CTNND2: variants seen among roughly 807,000 people sequenced by gnomAD.
The protein encoded by CTNND2 is catenin delta-2.
A neutral mutation model predicts 144.4 loss-of-function variants in CTNND2; 22 were observed. The ratio of observed to expected loss-of-function variants is 0.15; its 90% CI spans 0.11 to 0.22. The LOEUF (loss-of-function observed/expected upper bound fraction) is 0.22, where lower values mean the gene tolerates loss of function less well. Ranked by LOEUF, CTNND2 falls within the 10% of genes least tolerant of loss-of-function variation. The pLI, the probability that CTNND2 is intolerant of heterozygous loss-of-function variation, is 1.00. For synonymous variants in CTNND2, 751 were observed against 695.6 expected (o/e 1.08, Z -1.25); for missense variants, 1,353 against 1,618.8 (o/e 0.84, Z 2.82).
At chr5:11,730,976 TC>T in intron 2 of CTNND2, among the ~76,000 whole-genome samples, 1 of 152,248 alleles carries the variant, frequency 6.6e-6, no homozygotes, top group East Asian at 1.9e-4. Flanking sequence ...CCCTTGGTGG[TC>T]CCTTTTTCCA....
Position 11,142,715 on chromosome 5 carries a change from G to A in CTNND2, c.2159+16861C>T, listed in dbSNP as rs1316116350. ...TGCAAGCTCCGCCTCCCGGGTTCAC[G>A]CCATTCTCCTGCCTCAGCCTCCCGT... On this transcript the variant is annotated intron_variant, in intron 12 of 21. Coordinates refer to ENST00000304623, the MANE Select transcript of CTNND2 (RefSeq NM_001332.4). Among the ~76,000 whole-genome samples, 7 of 149,868 alleles carry A rather than the reference G, an allele frequency of 4.7e-5. No individual in the cohort carries two copies. In the East Asian group the frequency reaches 7.9e-4, roughly 17 times the overall value.
intron 2 of CTNND2, among the ~76,000 whole-genome samples, chr5:11,577,042 A>G (rs187267021): frequency 5.7e-4 from 87 of 152,336 alleles, no homozygotes; most frequent in Non-Finnish European, 1.2e-3. Context: ...TCTCACTGAC[A>G]ATGACCACAG....
intron 1 of CTNND2, among the ~76,000 whole-genome samples, chr5:11,808,559 G>C (rs1792136902): frequency 6.6e-6 from 1 of 152,210 alleles, no homozygotes; most frequent in African/African-American, 2.4e-5. Flanking sequence ...GCTGCCAGAA[G>C]TTGATTTCTG....
chr5:11,798,193 C>T (rs1438341728), intron 1 of CTNND2, among the ~76,000 whole-genome samples: 3 of 142,444 alleles, frequency 2.1e-5, no homozygotes, highest in African/African-American at 5.3e-5. Flanking sequence ...ACCCGGGAGG[C>T]GGAGGTTGCA....
At chr5:11,640,293 T>A (rs1781933765) in intron 2 of CTNND2, among the ~76,000 whole-genome samples, 1 of 152,086 alleles carries the variant, frequency 6.6e-6, no homozygotes, top group South Asian at 2.1e-4. Flanking sequence ...TTACATGGAG[T>A]TGCAGACTGT....
chr5:11,662,358 T>C (rs1561669751), intron 2 of CTNND2, among the ~76,000 whole-genome samples: 1 of 150,960 alleles, frequency 6.6e-6, no homozygotes, highest in Non-Finnish European at 1.5e-5. Context: ...GATCCCACAA[T>C]AGGCCGTCTG....
At chr5:11,428,235 C>G (rs1762970880) in intron 3 of CTNND2, among the ~76,000 whole-genome samples, 2 of 152,204 alleles carry the variant, frequency 1.3e-5, no homozygotes, top group African/African-American at 4.8e-5. Context: ...ATCCCCGGTT[C>G]AAAAGCCTTC....
chr5:11,667,705 T>G (rs1036015931), intron 2 of CTNND2, among the ~76,000 whole-genome samples: 1 of 152,200 alleles, frequency 6.6e-6, no homozygotes, highest in Non-Finnish European at 1.5e-5. Flanking sequence ...TTTTCTCCCA[T>G]TCTGTAGATT....
At chr5:11,144,732 A>G (rs772590911) in intron 12 of CTNND2, among the ~76,000 whole-genome samples, 23 of 152,128 alleles carry the variant, frequency 1.5e-4, no homozygotes, top group Non-Finnish European at 2.4e-4. Flanking sequence ...AAGGGCCTCC[A>G]CCCAAGCTGA....
intron 11 of CTNND2, among the ~76,000 whole-genome samples, chr5:11,183,491 G>C (rs113936554): frequency 6.6e-6 from 1 of 152,072 alleles, no homozygotes; most frequent in African/African-American, 2.4e-5. Context: ...CAGCTAGCGG[G>C]TACAGATACC....
chr5:11,636,776 G>A (rs926988725), intron 2 of CTNND2, among the ~76,000 whole-genome samples: 1 of 152,194 alleles, frequency 6.6e-6, no homozygotes, highest in Admixed American at 6.5e-5. Context: ...AATACGCACA[G>A]AGAGCAAGTT....
chr5:11,443,452 C>T (rs1321746009), intron 3 of CTNND2, among the ~76,000 whole-genome samples: 1 of 137,986 alleles, frequency 7.2e-6, no homozygotes. Flanking sequence ...GTGTGTATGT[C>T]TGTGCGGTGT....
At chr5:11,088,331 A>G (rs913781623) in intron 15 of CTNND2, among the ~76,000 whole-genome samples, 1 of 152,192 alleles carries the variant, frequency 6.6e-6, no homozygotes, top group Non-Finnish European at 1.5e-5. Context: ...GAAACTGCTC[A>G]CACTACTACC....
At chr5:11,872,387 GAATA>G (rs1212324932) in intron 1 of CTNND2, among the ~76,000 whole-genome samples, 1 of 152,122 alleles carries the variant, frequency 6.6e-6, no homozygotes, top group African/African-American at 2.4e-5. Flanking sequence ...ACAATCCTTT[GAATA>G]GATACCCAGT....
intron 2 of CTNND2, among the ~76,000 whole-genome samples, chr5:11,703,376 G>A (rs1002752130): frequency 6.6e-6 from 1 of 152,156 alleles, no homozygotes; most frequent in Admixed American, 6.5e-5. Flanking sequence ...TGTTCTTACA[G>A]TCAGGATACA....
intron 9 of CTNND2, among the ~76,000 whole-genome samples, chr5:11,275,364 G>GGAA (rs1746423431): frequency 6.6e-6 from 1 of 152,184 alleles, no homozygotes; most frequent in Admixed American, 6.5e-5. Flanking sequence ...TGTCATGACT[G>GGAA]GAAGCCAGCT....
At chr5:11,088,984 T>C (rs1750468496) in intron 15 of CTNND2, among the ~76,000 whole-genome samples, 1 of 152,196 alleles carries the variant, frequency 6.6e-6, no homozygotes, top group African/African-American at 2.4e-5. Flanking sequence ...CATAGAGCTG[T>C]GATCTTGACT....
At chr5:11,581,826 T>G (rs1292696183) in intron 2 of CTNND2, among the ~76,000 whole-genome samples, 2 of 152,204 alleles carry the variant, frequency 1.3e-5, no homozygotes, top group Non-Finnish European at 2.9e-5. Flanking sequence ...GCTTAGCTAG[T>G]AGGGGCAGCA....
chr5:11,504,750 A>T lies in CTNND2; in HGVS notation c.287+60194T>A, dbSNP rs560182535. On this transcript the variant is annotated intron_variant, in intron 3 of 21. Coordinates refer to ENST00000304623, the MANE Select transcript of CTNND2 (RefSeq NM_001332.4). ...TTCCTTGAGAGGCTCCACAGGGACC[A>T]TCTGACAGCCACTGCCTGAGCCTGG... Among the ~76,000 whole-genome samples, 44 of 152,302 alleles carry T rather than the reference A, an allele frequency of 2.9e-4. 2 individuals carry two copies. In the South Asian group the frequency reaches 8.5e-3, roughly 29 times the overall value.
Sources: allele counts gnomAD v4.1 joint callset (sites outside exome capture counted in the v4.1 genomes callset), GRCh38; gene constraint gnomAD v4.1.1; transcripts MANE v1.5; gene names NCBI Gene and HGNC (gene_info 2026-07-23, HGNC 2026-07-21).